The following SYNE1 variants were observed in gnomAD, a reference collection of about 807,000 sequenced individuals.
SYNE1 encodes nesprin-1.
Under a neutral mutation model 1,111.0 loss-of-function variants are expected in SYNE1, and 616 were observed. The observed-to-expected ratio is 0.55, with a 90% confidence interval of 0.52 to 0.59. SYNE1 has a LOEUF of 0.59. Among genes scored for constraint, SYNE1 ranks in the 20% least tolerant of loss-of-function variants. The probability of loss-of-function intolerance (pLI) is 0.00; values close to 1 mark genes in which losing one functional copy is unlikely to be tolerated. For missense variants in SYNE1, 10,006 were observed against 10,417.0 expected (o/e 0.96, Z 1.72); for synonymous variants, 3,855 against 3,825.8 (o/e 1.01, Z -0.28).
At chr6:152,554,954 A>G (rs2099359915) in intron 3 of SYNE1, among the ~76,000 whole-genome samples, 1 of 152,188 alleles carries the variant, frequency 6.6e-6, no homozygotes, top group Admixed American at 6.5e-5. Context: ...ACACAGACCC[A>G]TCACTTTCTT....
chr6:152,472,542 G>A (rs1251592087), intron 14 of SYNE1, 129 bp from the exon 15 acceptor site: 6 of 841,512 alleles, frequency 7.1e-6, no homozygotes, highest in Non-Finnish European at 1.2e-5. Context: ...ACATTCAGAG[G>A]CAGCTTGGTG....
Position 152,331,062 on chromosome 6 carries a change from ACT to A in SYNE1, c.13621_13622del (p.Ser4541CysfsTer3). 1 of 1,614,080 alleles carries A rather than the reference ACT, an allele frequency of 6.2e-7. No individual in the cohort carries two copies. The highest frequency in any genetic ancestry group is 8.5e-7 in the Non-Finnish European group (1 of 1,180,018). Reference sequence around the variant, plus strand: ...ACTTTTGTAAAACACTGTCATAGACACTCTGCAATTCCTGAAGCTTCCCCAGC... The same window carrying A: ...ACTTTTGTAAAACACTGTCATAGACACTGCAATTCCTGAAGCTTCCCCAGC... ...EVLGKLQELQSVYDSVLQKCS... is the reference protein window; with the variant it reads ...EVLGKLQELQXVYDSVLQKCS... On this transcript the variant is annotated frameshift_variant, in exon 78 of 146. Transcript: ENST00000367255. LOFTEE classifies it high-confidence loss of function.
chr6:152,247,025 C>T (rs1053167914), intron 105 of SYNE1, among the ~76,000 whole-genome samples: 1 of 152,170 alleles, frequency 6.6e-6, no homozygotes, highest in Non-Finnish European at 1.5e-5. Context: ...CATGCACTAA[C>T]GAAACAAGGA....
intron 100 of SYNE1, among the ~76,000 whole-genome samples, 190 bp from the exon 101 acceptor site, chr6:152,262,378 C>A (rs2092122213): frequency 6.6e-6 from 1 of 152,088 alleles, no homozygotes; most frequent in African/African-American, 2.4e-5. Flanking sequence ...CATTGATAAA[C>A]TGAACCATGT....
At chr6:152,582,654 T>C (rs2099524436) in intron 3 of SYNE1, among the ~76,000 whole-genome samples, 1 of 151,962 alleles carries the variant, frequency 6.6e-6, no homozygotes, top group Admixed American at 6.6e-5. Context: ...AAGGTACTGG[T>C]GGAGACTGGG....
At chr6:152,342,260 T>C (rs896130337) in intron 74 of SYNE1, among the ~76,000 whole-genome samples, 2 of 152,226 alleles carry the variant, frequency 1.3e-5, no homozygotes, top group Non-Finnish European at 2.9e-5. Flanking sequence ...TCCCTTTATC[T>C]CTTTTATTTC....
At position 152,428,336 on chromosome 6, in the gene SYNE1, A is replaced by G. The variant is rs1205077640; in HGVS notation, c.4845T>C (p.Ser1615=). 1.9e-6 allele frequency: 3 copies of G among 1,614,148 alleles called. No individual in the cohort carries two copies. The East Asian group carries it at 6.7e-5, about 36-fold the overall frequency. Reference sequence around the variant, plus strand: ...AATCTCTGTTCACAACCTTCCTGGCACTGGCTGAGAAGGCAGTGATCGCGC... The same window carrying G: ...AATCTCTGTTCACAACCTTCCTGGCGCTGGCTGAGAAGGCAGTGATCGCGC... ...LSSAITAFSA[S]ARKVVNRDSC... Residue 1615 remains serine (S), a synonymous_variant, in exon 37 of 146, where the codon AGT becomes AGC. Coordinates refer to ENST00000367255, the MANE Select transcript of SYNE1 (RefSeq NM_182961.4).
chr6:152,320,217 C>T (rs1249257771), intron 84 of SYNE1: 1 of 152,100 alleles, frequency 6.6e-6, no homozygotes, highest in African/African-American at 2.4e-5. Context: ...CTTCCAATGT[C>T]TAAGAAGAAA....
At chr6:152,621,542 C>T (rs1369787619) in intron 3 of SYNE1, among the ~76,000 whole-genome samples, 1 of 151,162 alleles carries the variant, frequency 6.6e-6, no homozygotes, top group Non-Finnish European at 1.5e-5. Flanking sequence ...ATTTGATTTA[C>T]ATTTGACTGC....
At chr6:152,494,154 G>A (rs891531205) in intron 11 of SYNE1, among the ~76,000 whole-genome samples, 2 of 152,130 alleles carry the variant, frequency 1.3e-5, no homozygotes, top group African/African-American at 4.8e-5. Context: ...TACTTTTAGA[G>A]GCCATCAAAA....
chr6:152,553,020 G>T (rs2099352908), intron 3 of SYNE1, among the ~76,000 whole-genome samples: 1 of 152,132 alleles, frequency 6.6e-6, no homozygotes, highest in African/African-American at 2.4e-5. Context: ...AATAATAATA[G>T]AAATCTATCT....
At chr6:152,528,175 C>T (rs1242913405) in intron 4 of SYNE1, among the ~76,000 whole-genome samples, 1 of 152,178 alleles carries the variant, frequency 6.6e-6, no homozygotes, top group East Asian at 1.9e-4. Context: ...AATCCTGAGT[C>T]CTTTGTTCTT....
chr6:152,163,115 A>G (rs2062861021), intron 131 of SYNE1, among the ~76,000 whole-genome samples: 1 of 152,226 alleles, frequency 6.6e-6, no homozygotes, highest in South Asian at 2.1e-4. Flanking sequence ...GAATATTCAA[A>G]GCAACCTAAA....
In SYNE1 at chr6:152,148,094, T is replaced by C. The variant is rs2152878341; in HGVS notation, c.24927A>G (p.Glu8309=). The change falls in exon 137 of 146, where the codon GAA becomes GAG. Residue 8309 remains glutamate, a synonymous_variant. Transcript: ENST00000367255. The surrounding 1 kb of genome is among the most constrained non-coding windows in gnomAD (Gnocchi z 4.1). ...MSRALPSEDE[E]GQDDKDFYLR... ...GGTAGAAATCTTTGTCATCCTGACCTTCTTCATCCTCAGAGGGCAGAGCTC... is the reference window on the plus strand; with the variant it reads ...GGTAGAAATCTTTGTCATCCTGACCCTCTTCATCCTCAGAGGGCAGAGCTC... The C allele has an allele frequency of 6.2e-7, 1 of 1,614,204 alleles. No individual in the cohort carries two copies. Among genetic ancestry groups the C allele is most frequent in the Non-Finnish European group, 8.5e-7 (1 of 1,180,032 alleles).
Position 152,376,769 on chromosome 6 carries a change from T to C in SYNE1, c.9146+7A>G. ...ATATCTTGAACACCAATAAGGTTCA[T>C]GCTCACCAATTATACTCTTTAATCA... is the stretch of plus-strand genomic sequence containing the variant. On this transcript the variant is annotated splice_region_variant and intron_variant, in intron 57 of 145. Transcript: ENST00000367255. The C allele has an allele frequency of 6.2e-7, 1 of 1,613,714 alleles. No homozygotes were observed. The highest frequency in any genetic ancestry group is 8.5e-7 in the Non-Finnish European group (1 of 1,179,994).
At chr6:152,595,934 C>T (rs2099579761) in intron 3 of SYNE1, among the ~76,000 whole-genome samples, 1 of 151,826 alleles carries the variant, frequency 6.6e-6, no homozygotes, top group Non-Finnish European at 1.5e-5. Context: ...CTTGTCCTTA[C>T]ATCTGCTTGT....
intron 56 of SYNE1, among the ~76,000 whole-genome samples, chr6:152,378,764 G>C (rs929489531): frequency 6.6e-6 from 1 of 152,014 alleles, no homozygotes; most frequent in Non-Finnish European, 1.5e-5. Context: ...CCACCTCTTC[G>C]GGTTTCTCAT....
In SYNE1 at chr6:152,628,542, T is replaced by C. The variant is rs2099690717; in HGVS notation, c.-211A>G. On this transcript the variant is annotated 5_prime_UTR_variant, in exon 3 of 146. The change abolishes an upstream ATG in the 5' untranslated region. Transcript: ENST00000367255. ...TCCGTTTTAAGACTGTCCTCTTACA[T>C]GAACTCAAGAACCTGAAAAACAAAA... The C allele has an allele frequency of 1.5e-5, 9 of 581,830 alleles. No individual in the cohort carries two copies. Among genetic ancestry groups the C allele is most frequent in the Non-Finnish European group, 2.7e-5 (9 of 327,548 alleles). The allele number at this position is 581,830 out of a possible 1,614,324, so 36.0% of individuals were successfully genotyped here.
chr6:152,141,354 CCT>C (rs770144288), intron 138 of SYNE1, 25 bp from the exon 139 acceptor site: 9 of 1,612,974 alleles, frequency 5.6e-6, no homozygotes, highest in South Asian at 5.5e-5. Context: ...ACAACCGGCC[CCT>C]GTCACCCAAA....
Sources: allele counts gnomAD v4.1 joint callset (sites outside exome capture counted in the v4.1 genomes callset), GRCh38; gene constraint gnomAD v4.1.1; non-coding constraint Gnocchi (gnomAD v3.1); transcripts MANE v1.5; gene names NCBI Gene and HGNC (gene_info 2026-07-23, HGNC 2026-07-21).